SLC5A1: variants seen among roughly 807,000 people sequenced by gnomAD.
SLC5A1 encodes the protein sodium/glucose cotransporter 1.
SLC5A1 carries 42 observed loss-of-function variants against 73.5 expected under a neutral mutation model. That is an observed-to-expected ratio of 0.57 (90% CI 0.45 to 0.74). The LOEUF (loss-of-function observed/expected upper bound fraction) is 0.74, where lower values mean the gene tolerates loss of function less well. SLC5A1 is among the 30% of genes least tolerant of loss of function. SLC5A1 has a pLI of 0.00. For missense variants in SLC5A1, 634 were observed against 855.4 expected (o/e 0.74, Z 3.23); for synonymous variants, 300 against 317.4 (o/e 0.95, Z 0.58).
Position 32,085,055 on chromosome 22 carries a change from C to T in SLC5A1, c.1021+20C>T, listed in dbSNP as rs766324487. ...ACACAGGTAATAACTTCTGCTGGAC[C>T]CACAAACCACTCTCCCTTTTTCTGT... On this transcript the variant is annotated intron_variant, in intron 9 of 14. Coordinates refer to ENST00000266088, the MANE Select transcript of SLC5A1 (RefSeq NM_000343.4). 6.2e-7 allele frequency: 1 copy of T among 1,613,872 alleles called. No homozygotes were observed. The highest frequency in any genetic ancestry group is 2.2e-5 in the East Asian group (1 of 44,868).
At chr22:32,107,585 A>G (rs1425898004) in intron 14 of SLC5A1, among the ~76,000 whole-genome samples, 1 of 152,192 alleles carries the variant, frequency 6.6e-6, no homozygotes, top group Non-Finnish European at 1.5e-5. Context: ...TACCACCATC[A>G]TGATTGCTTT....
rs1215187838 is a variant in SLC5A1, at chr22:32,111,063, C to T, written c.*850C>T. ...TTACATGAGCCTGGCCCTTAGTTAA[C>T]CTTTTCTTGTGGCTACACAAAGTAT... On this transcript the variant is annotated 3_prime_UTR_variant, in exon 15 of 15. Transcript: ENST00000266088. 6.6e-6 allele frequency: 1 copy of T among 152,140 alleles called. No individual in the cohort carries two copies. The allele number at this position is 152,140 out of a possible 1,614,324, so 9.4% of individuals were successfully genotyped here.
At position 32,050,024 on chromosome 22, in the gene SLC5A1, C is replaced by G; in HGVS notation, c.207+10C>G. 2.5e-6 allele frequency: 4 copies of G among 1,610,414 alleles called. No individual in the cohort carries two copies. The highest frequency in any genetic ancestry group is 3.4e-6 in the Non-Finnish European group (4 of 1,176,608). On this transcript the variant is annotated intron_variant, in intron 2 of 14. Coordinates refer to ENST00000266088, the MANE Select transcript of SLC5A1 (RefSeq NM_000343.4). Reference sequence around the variant, plus strand: ...TATGGTGTGGTGGCCGGTAAGTTTTCTCTGAAATGCTATTTACATAACTGC... The same window carrying G: ...TATGGTGTGGTGGCCGGTAAGTTTTGTCTGAAATGCTATTTACATAACTGC...
At chr22:32,093,717 T>C (rs2094021970) in intron 11 of SLC5A1, among the ~76,000 whole-genome samples, 1 of 152,198 alleles carries the variant, frequency 6.6e-6, no homozygotes, top group Non-Finnish European at 1.5e-5. Context: ...GCCAAATTCA[T>C]TTATCAGTTC....
chr22:32,084,636 T>C lies in SLC5A1; in HGVS notation c.862T>C (p.Leu288=), dbSNP rs139037092. 26 of 1,614,136 alleles carry C rather than the reference T, an allele frequency of 1.6e-5. No homozygotes were observed. The African/African-American group carries it at 3.2e-4, about 20-fold the overall frequency. The change falls in exon 8 of 15, where the codon TTG becomes CTG. Residue 288 remains leucine (L), a synonymous_variant. Transcript: ENST00000266088. ...CATCTTTGGGATGTCCATCCTTACC[T>C]TGTGGTACTGGTGCACAGATCAGGT... is the stretch of plus-strand genomic sequence containing the variant. The part of the protein sequence containing the change: ...GFIFGMSILT[L]WYWCTDQVIV...
chr22:32,046,260 A>G (rs2093937006), intron 1 of SLC5A1, among the ~76,000 whole-genome samples: 1 of 151,722 alleles, frequency 6.6e-6, no homozygotes, highest in Admixed American at 6.6e-5. Context: ...CCACTATTCT[A>G]CCTTTCCCAC....
At chr22:32,065,119 AT>A (rs964577034) in intron 2 of SLC5A1, among the ~76,000 whole-genome samples, 117 of 151,552 alleles carry the variant, frequency 7.7e-4, no homozygotes, top group African/African-American at 2.7e-3. Flanking sequence ...AAGTTTTTAC[AT>A]TTTTTTTGTA....
intron 11 of SLC5A1, among the ~76,000 whole-genome samples, chr22:32,098,107 A>G (rs1339277211): frequency 6.6e-6 from 1 of 152,230 alleles, no homozygotes; most frequent in Non-Finnish European, 1.5e-5. Context: ...GCAATGCAAA[A>G]CAGTAGAGGC....
At chr22:32,054,070 G>T (rs2093948466) in intron 2 of SLC5A1, among the ~76,000 whole-genome samples, 1 of 152,192 alleles carries the variant, frequency 6.6e-6, no homozygotes, top group Admixed American at 6.5e-5. Flanking sequence ...CTACTTGGGA[G>T]GCTGAGGTAG....
chr22:32,076,515 C>G (rs995124129), intron 5 of SLC5A1, among the ~76,000 whole-genome samples: 27 of 152,200 alleles, frequency 1.8e-4, no homozygotes, highest in Non-Finnish European at 1.2e-4. Flanking sequence ...CAGATCACAG[C>G]TACAGTAAAT....
chr22:32,060,122 CAT>C (rs1320679355), intron 2 of SLC5A1, among the ~76,000 whole-genome samples: 152 of 101,930 alleles, frequency 1.5e-3, no homozygotes, highest in East Asian at 7.6e-3. Context: ...CATATATATA[CAT>C]ACACACATAT....
intron 2 of SLC5A1, among the ~76,000 whole-genome samples, chr22:32,061,817 T>C (rs1369176688): frequency 2.6e-5 from 4 of 152,210 alleles, no homozygotes; most frequent in Non-Finnish European, 5.9e-5. Flanking sequence ...TGCTTCATTT[T>C]GGATGGCTCA....
At chr22:32,076,685 G>C (rs1191526976) in intron 5 of SLC5A1, among the ~76,000 whole-genome samples, 1 of 152,218 alleles carries the variant, frequency 6.6e-6, no homozygotes, top group Non-Finnish European at 1.5e-5. Context: ...TGCGAGGCTA[G>C]GCAGGATTTA....
Position 32,110,099 on chromosome 22 carries a change from CATGAAG to C in SLC5A1, c.1892_1897del (p.Lys631_Met632del). 6.2e-7 allele frequency: 1 copy of C among 1,614,018 alleles called. No homozygotes were observed. Among genetic ancestry groups the C allele is most frequent in the Non-Finnish European group, 8.5e-7 (1 of 1,179,890 alleles). On this transcript the variant is annotated inframe_deletion, in exon 15 of 15. Coordinates refer to ENST00000266088, the MANE Select transcript of SLC5A1 (RefSeq NM_000343.4). ...AGATGACTGAGGAAGAGGAGAAAGC[CATGAAG>C]ATGAAGATGACGGACACCTCTGAGA...
At chr22:32,061,885 G>T (rs1187224632) in intron 2 of SLC5A1, among the ~76,000 whole-genome samples, 2 of 152,132 alleles carry the variant, frequency 1.3e-5, no homozygotes, top group Non-Finnish European at 2.9e-5. Context: ...ATGGGGCTCA[G>T]GGCAGCAGAG....
chr22:32,090,598 T>C (rs1199859953), intron 10 of SLC5A1, among the ~76,000 whole-genome samples: 1 of 152,170 alleles, frequency 6.6e-6, no homozygotes, highest in Non-Finnish European at 1.5e-5. Context: ...TCCTCCTTTT[T>C]GGGTATTACA....
chr22:32,110,252 T>G lies in SLC5A1; in HGVS notation c.*39T>G, dbSNP rs780984064. ...CTGTAGATTTACCATGGCTGGACTC[T>G]TACTCACCTTCCTTTAGTCTCGTCC... On this transcript the variant is annotated 3_prime_UTR_variant, in exon 15 of 15. Coordinates refer to ENST00000266088, the MANE Select transcript of SLC5A1 (RefSeq NM_000343.4). The G allele has an allele frequency of 6.9e-7, 1 of 1,449,904 alleles. No individual in the cohort carries two copies. The allele number at this position is 1,449,904 out of a possible 1,614,324, so 89.8% of individuals were successfully genotyped here.
At chr22:32,052,865 G>A (rs1274632757) in intron 2 of SLC5A1, among the ~76,000 whole-genome samples, 1 of 152,158 alleles carries the variant, frequency 6.6e-6, no homozygotes, top group Non-Finnish European at 1.5e-5. Flanking sequence ...TGTCACCTGA[G>A]ACCTGAGTCT....
At chr22:32,099,063 T>TGACAG (rs1310584128) in intron 11 of SLC5A1, 120 bp from the exon 12 acceptor site, 1 of 183,174 alleles carries the variant, frequency 5.5e-6, no homozygotes, top group Non-Finnish European at 8.9e-6. Context: ...CCAGCCTGGG[T>TGACAG]GACAGAGCAA....
Sources: allele counts gnomAD v4.1 joint callset (sites outside exome capture counted in the v4.1 genomes callset), GRCh38; gene constraint gnomAD v4.1.1; transcripts MANE v1.5; gene names NCBI Gene and HGNC (gene_info 2026-07-23, HGNC 2026-07-21).